GNL1: variants seen among roughly 807,000 people sequenced by gnomAD.
The protein encoded by GNL1 is G protein nucleolar 1, also known as guanine nucleotide-binding protein-like 1.
In GNL1, 21 loss-of-function variants were observed where a neutral mutation model predicts 75.2. The observed-to-expected ratio is 0.28, with a 90% confidence interval of 0.20 to 0.40. The LOEUF (loss-of-function observed/expected upper bound fraction) is 0.40, where lower values mean the gene tolerates loss of function less well. Among genes scored for constraint, GNL1 ranks in the 10% least tolerant of loss-of-function variants. GNL1 has a pLI of 1.00. For missense variants in GNL1, 579 were observed against 775.0 expected, an observed-to-expected ratio of 0.75 and a Z score of 3.00; for synonymous variants, 287 against 303.4, an observed-to-expected ratio of 0.95 and a Z score of 0.56.
chr6:30,556,437 T>C lies in GNL1; in HGVS notation c.-234A>G. On this transcript the variant is annotated 5_prime_UTR_variant, in exon 1 of 12. Coordinates refer to ENST00000376621, the MANE Select transcript of GNL1 (RefSeq NM_005275.5). This position sits in a 1 kb window ranked among gnomAD's most constrained non-coding sequence, Gnocchi z 5.7. ...GGCGAGAGGATGATGCGGGGTGGGC[T>C]ACTGGCACGTGAGAGCCAGTGGCAC... is the stretch of plus-strand genomic sequence containing the variant. 3.4e-6 allele frequency: 2 copies of C among 581,730 alleles called. No individual in the cohort carries two copies. Among genetic ancestry groups the C allele is most frequent in the Non-Finnish European group, 6.1e-6 (2 of 328,322 alleles). 36.0% of individuals were successfully genotyped at this position (581,730 alleles called of 1,614,324 possible).
rs781143418 is a variant in GNL1, at chr6:30,556,226, C to G, written c.-23G>C. 1 of 1,600,456 alleles carries G rather than the reference C, an allele frequency of 6.2e-7. No individual in the cohort carries two copies. Among genetic ancestry groups the G allele is most frequent in the South Asian group, 1.1e-5 (1 of 91,068 alleles). Reference sequence around the variant, plus strand: ...CATGGCCCGGACCAGTCACCTGGCCCGCCCTCCGCCGAGCTCCCGCCGCCT... The same window carrying G: ...CATGGCCCGGACCAGTCACCTGGCCGGCCCTCCGCCGAGCTCCCGCCGCCT... On this transcript the variant is annotated 5_prime_UTR_variant, in exon 1 of 12. Transcript: ENST00000376621. This position sits in a 1 kb window ranked among gnomAD's most constrained non-coding sequence, Gnocchi z 5.7.
chr6:30,554,669 A>C, intron 4 of GNL1, 23 bp from the exon 5 acceptor site: 1 of 1,600,258 alleles, frequency 6.2e-7, no homozygotes, highest in Non-Finnish European at 8.6e-7. Context: ...GATCAGGAAG[A>C]GAAACTGAAA....
Position 30,541,482 on chromosome 6 carries a change from C to T in GNL1, c.*4590G>A, listed in dbSNP as rs1035099931. ...TGCTACTGACACAAGAACGACAATG[C>T]ACTAACAATAAAATCAAAGTAGAAG... On this transcript the variant is annotated 3_prime_UTR_variant, in exon 12 of 12. Transcript: ENST00000376621. 3 of 152,134 alleles carry T rather than the reference C, an allele frequency of 2.0e-5. No individual in the cohort carries two copies. Among genetic ancestry groups the T allele is most frequent in the Non-Finnish European group, 4.4e-5 (3 of 68,026 alleles). 9.4% of individuals were successfully genotyped at this position (152,134 alleles called of 1,614,324 possible). A position where few individuals can be genotyped will look rare whatever the true frequency, so the allele number is the denominator to read the frequency against.
At position 30,554,854 on chromosome 6, in the gene GNL1, G is replaced by A; in HGVS notation, c.438C>T (p.Ser146=). 3 of 1,612,056 alleles carry A rather than the reference G, an allele frequency of 1.9e-6. No individual in the cohort carries two copies. The highest frequency in any genetic ancestry group is 1.7e-6 in the Non-Finnish European group (2 of 1,179,174). Residue 146 remains serine (S), a synonymous_variant, in exon 4 of 12, where the codon AGC becomes AGT. Transcript: ENST00000376621. ...AGTCTTGGAAGCTCCGTTCCTCTTG[G>A]CTCATTAGTTGCTCCTTGGACATCT... ...SYEMSKEQLM[S]QEERSFQDYL...
intron 8 of GNL1, among the ~76,000 whole-genome samples, chr6:30,550,914 G>A (rs1039503785): frequency 3.3e-5 from 5 of 152,044 alleles, no homozygotes; most frequent in Admixed American, 3.3e-4. Context: ...TCTCTCCTCA[G>A]GGAGGTTTTC....
chr6:30,552,260 C>T lies in GNL1; in HGVS notation c.1099+207G>A, dbSNP rs1434535953. 4 of 525,406 alleles carry T rather than the reference C, an allele frequency of 7.6e-6. No homozygotes were observed. Among genetic ancestry groups the T allele is most frequent in the African/African-American group, 7.5e-5 (4 of 53,086 alleles). 32.5% of individuals were successfully genotyped at this position (525,406 alleles called of 1,614,324 possible). A position where few individuals can be genotyped will look rare whatever the true frequency, so the allele number is the denominator to read the frequency against. ...GCAAAATCACTTACTCAAGACCTCA[C>T]AGCTGAGAAGAGGTGGAATTTAACT... is the stretch of plus-strand genomic sequence containing the variant. On this transcript the variant is annotated intron_variant, in intron 8 of 11. Coordinates refer to ENST00000376621, the MANE Select transcript of GNL1 (RefSeq NM_005275.5). The surrounding 1 kb of genome is among the most constrained non-coding windows in gnomAD (Gnocchi z 4.5).
chr6:30,555,382 C>A lies in GNL1; in HGVS notation c.239+173G>T, dbSNP rs1273566796. Among the ~76,000 whole-genome samples the A allele has an allele frequency of 3.9e-5, 6 of 152,166 alleles. No individual in the cohort carries two copies. The highest frequency in any genetic ancestry group is 3.9e-4 in the Admixed American group (6 of 15,278). ...CTTCTCCTTCTAAAAGCCCAACTCT[C>A]TCCAGCCCCTCTGGAAAGGAAGACT... On this transcript the variant is annotated intron_variant, in intron 2 of 11. Transcript: ENST00000376621. The surrounding 1 kb of genome is among the most constrained non-coding windows in gnomAD (Gnocchi z 4.3).
intron 8 of GNL1, among the ~76,000 whole-genome samples, chr6:30,550,993 A>T (rs1799743647): frequency 6.6e-6 from 1 of 152,142 alleles, no homozygotes; most frequent in African/African-American, 2.4e-5. Context: ...CTGCCCCTAC[A>T]TGATTTCGGA....
Position 30,547,775 on chromosome 6 carries a change from C to A in GNL1, c.1100-245G>T. On this transcript the variant is annotated intron_variant, in intron 8 of 11. Coordinates refer to ENST00000376621, the MANE Select transcript of GNL1 (RefSeq NM_005275.5). The surrounding 1 kb of genome is among the most constrained non-coding windows in gnomAD (Gnocchi z 5.5). Reference sequence around the variant, plus strand: ...ATTTTACAGTGTGGACACCTCCCTACCTCAGGGTGGTCAGGATTAAATGAG... The same window carrying A: ...ATTTTACAGTGTGGACACCTCCCTAACTCAGGGTGGTCAGGATTAAATGAG... 1 of 552,858 alleles carries A rather than the reference C, an allele frequency of 1.8e-6. No individual in the cohort carries two copies. The highest frequency in any genetic ancestry group is 3.6e-5 in the Admixed American group (1 of 27,760). 34.2% of individuals were successfully genotyped at this position (552,858 alleles called of 1,614,324 possible).
chr6:30,554,250 G>C (rs1376448306), intron 5 of GNL1, among the ~76,000 whole-genome samples: 1 of 152,144 alleles, frequency 6.6e-6, no homozygotes, highest in Non-Finnish European at 1.5e-5. Context: ...AAGGAAGAAA[G>C]GGCATCTTTG....
intron 8 of GNL1, among the ~76,000 whole-genome samples, chr6:30,551,189 C>T (rs1799756330): frequency 6.6e-6 from 1 of 152,142 alleles, no homozygotes; most frequent in Non-Finnish European, 1.5e-5. Context: ...GCCTGTGCCA[C>T]AGCAAACACT....
At position 30,553,539 on chromosome 6, in the gene GNL1, C is replaced by A. The variant is rs1191580409; in HGVS notation, c.619G>T (p.Ala207Ser). 5.0e-6 allele frequency: 8 copies of A among 1,612,562 alleles called. No individual in the cohort carries two copies. Among genetic ancestry groups the A allele is most frequent in the Non-Finnish European group, 6.8e-6 (8 of 1,179,594 alleles). Residue 207 changes from alanine to serine, a missense_variant, in exon 6 of 12, where the codon GCA becomes TCA. Transcript: ENST00000376621. The part of the protein sequence containing the change: ...IRHPVVNFPP[A>S]LYEYVTGELG... The stretch of plus-strand genomic sequence containing the variant: ...TCTCCAGTCACATACTCATAAAGTG[C>A]TGGCGGGAAATTCACAACCTAGGAC...
rs746640603 is a variant in GNL1 at position 30,554,862 on chromosome 6, G to A, written c.430C>T (p.Leu144=). 1.9e-6 allele frequency: 3 copies of A among 1,612,436 alleles called. No individual in the cohort carries two copies. Among genetic ancestry groups the A allele is most frequent in the African/African-American group, 2.7e-5 (2 of 74,898 alleles). ...AAGCTCCGTTCCTCTTGGCTCATTA[G>A]TTGCTCCTTGGACATCTCATAGCTC... The part of the protein sequence containing the change: ...PWSYEMSKEQ[L]MSQEERSFQD... The change falls in exon 4 of 12, where the codon CTA becomes TTA. Residue 144 remains leucine (L), a synonymous_variant. Transcript: ENST00000376621.
rs1799530199 is a variant in GNL1, at chr6:30,547,542, A to G, written c.1100-12T>C. ...CACATTAGGGAAACCTGAGGAAGGC[A>G]AGGAAAATTAACGTTTAACAGGTTT... On this transcript the variant is annotated splice_polypyrimidine_tract_variant and intron_variant, in intron 8 of 11. Coordinates refer to ENST00000376621, the MANE Select transcript of GNL1 (RefSeq NM_005275.5). The surrounding 1 kb of genome is among the most constrained non-coding windows in gnomAD (Gnocchi z 5.5). The G allele has an allele frequency of 3.7e-6, 6 of 1,612,182 alleles. No homozygotes were observed. The East Asian group carries it at 1.3e-4, about 36-fold the overall frequency.
chr6:30,548,411 C>T lies in GNL1; in HGVS notation c.1100-881G>A, dbSNP rs1210475564. Among the ~76,000 whole-genome samples, 1 of 152,168 alleles carries T rather than the reference C, an allele frequency of 6.6e-6. No individual in the cohort carries two copies. ...CAAAGCCTCAATTCCAAGCACCCCT[C>T]TCTGCCCTGACAACTCATCTTTCCA... On this transcript the variant is annotated intron_variant, in intron 8 of 11. Transcript: ENST00000376621. The surrounding 1 kb of genome is among the most constrained non-coding windows in gnomAD (Gnocchi z 4.2).
In GNL1 at chr6:30,547,440, T is replaced by C. The variant is rs1167919832; in HGVS notation, c.1190A>G (p.Tyr397Cys). ...SVSRTPGHTRYFQTYFLTPSV... is the reference protein window; with the variant it reads ...SVSRTPGHTRCFQTYFLTPSV... ...GGGGGTAAGAAAGTAGGTCTGAAAG[T>C]ATCGGGTATGGCCCGGGGTTCTGGA... The change falls in exon 9 of 12, where the codon TAC becomes TGC. Residue 397 changes from tyrosine to cysteine, a missense_variant. By Grantham distance (194) the Tyr-to-Cys change is radical (BLOSUM62 -2). Transcript: ENST00000376621. This position sits in a 1 kb window ranked among gnomAD's most constrained non-coding sequence, Gnocchi z 5.5. The C allele has an allele frequency of 6.2e-7, 1 of 1,613,928 alleles. No individual in the cohort carries two copies. The highest frequency in any genetic ancestry group is 8.5e-7 in the Non-Finnish European group (1 of 1,179,908).
At position 30,547,095 on chromosome 6, in the gene GNL1, A is replaced by G. The variant is rs139873209; in HGVS notation, c.1441+17T>C. 1.8e-4 allele frequency: 295 copies of G among 1,607,090 alleles called. 1 individual carries two copies. In the African/African-American group the frequency reaches 3.2e-3, roughly 18 times the overall value. ...AGCTGAAACCAGGTGGGGCGAAGCC[A>G]GGCACATGGAACTCACCTTCACAGA... On this transcript the variant is annotated intron_variant, in intron 10 of 11. Transcript: ENST00000376621. This position sits in a 1 kb window ranked among gnomAD's most constrained non-coding sequence, Gnocchi z 5.5.
Position 30,544,962 on chromosome 6 carries a change from G to A in GNL1, c.*1110C>T, listed in dbSNP as rs1305953058. The A allele has an allele frequency of 6.6e-6, 1 of 152,160 alleles. No homozygotes were observed. Among genetic ancestry groups the A allele is most frequent in the Non-Finnish European group, 1.5e-5 (1 of 68,038 alleles). The allele number at this position is 152,160 out of a possible 1,614,324, so 9.4% of individuals were successfully genotyped here. A position where few individuals can be genotyped will look rare whatever the true frequency, so the allele number is the denominator to read the frequency against. On this transcript the variant is annotated 3_prime_UTR_variant, in exon 12 of 12. Coordinates refer to ENST00000376621, the MANE Select transcript of GNL1 (RefSeq NM_005275.5). ...CCCATTTCTAAAAGAATTCAATCTA[G>A]GAGTCTAGCTGCTGGCTTAACAAAG...
Position 30,546,174 on chromosome 6 carries a change from C to T in GNL1, c.1722G>A (p.Ala574=), listed in dbSNP as rs140192335. The change falls in exon 12 of 12, where the codon GCG becomes GCA. Residue 574 remains alanine, a synonymous_variant. Transcript: ENST00000376621. This position sits in a 1 kb window ranked among gnomAD's most constrained non-coding sequence, Gnocchi z 5.1. The part of the protein sequence containing the change: ...CEEEGEEDRD[A]DEEGEGDEET... ...CCTCATCCCCTTCTCCCTCCTCATC[C>T]GCATCCCGGTCCTCCTCTCCCTCCT... 1.8e-5 allele frequency: 28 copies of T among 1,556,756 alleles called. No homozygotes were observed. The highest frequency in any genetic ancestry group is 1.7e-4 in the Middle Eastern group (1 of 5,954).
Sources: allele counts gnomAD v4.1 joint callset (sites outside exome capture counted in the v4.1 genomes callset), GRCh38; gene constraint gnomAD v4.1.1; non-coding constraint Gnocchi (gnomAD v3.1); transcripts MANE v1.5; gene names NCBI Gene and HGNC (gene_info 2026-07-23, HGNC 2026-07-21).